Variants in PTPRD observed in about 807,000 individuals in gnomAD.
PTPRD encodes receptor-type tyrosine-protein phosphatase delta.
In PTPRD, 34 loss-of-function variants were observed where a neutral mutation model predicts 214.5. The observed-to-expected ratio is 0.16, with a 90% CI of 0.12 to 0.21. PTPRD has a LOEUF of 0.21. PTPRD is among the 10% of genes least tolerant of loss of function. The probability of loss-of-function intolerance (pLI) is 1.00; values close to 1 mark genes in which losing one functional copy is unlikely to be tolerated. For missense variants in PTPRD, 2,545 were observed against 2,398.7 expected, an observed-to-expected ratio of 1.06 and a Z score of -1.27; for synonymous variants, 1,128 against 845.7, an observed-to-expected ratio of 1.33 and a Z score of -5.79.
chr9:10,554,225 T>C (rs973880037), intron 2 of PTPRD, among the ~76,000 whole-genome samples: 9 of 152,312 alleles, frequency 5.9e-5, no homozygotes, highest in South Asian at 4.1e-4. Context: ...CTCACTTAAA[T>C]TGGCTCTTTT....
At chr9:9,646,771 A>G (rs761294580) in intron 7 of PTPRD, among the ~76,000 whole-genome samples, 1 of 152,194 alleles carries the variant, frequency 6.6e-6, no homozygotes, top group Non-Finnish European at 1.5e-5. Context: ...CATATCTATA[A>G]TAAAGTTTAA....
chr9:9,175,764 C>T (rs935319413), intron 10 of PTPRD, among the ~76,000 whole-genome samples: 2 of 151,860 alleles, frequency 1.3e-5, no homozygotes, highest in African/African-American at 4.8e-5. Flanking sequence ...GGCCCAAGTA[C>T]CTCTCCCCAT....
chr9:9,731,217 T>G (rs2098185276), intron 7 of PTPRD, among the ~76,000 whole-genome samples: 2 of 152,196 alleles, frequency 1.3e-5, no homozygotes, highest in Admixed American at 6.5e-5. Context: ...CATAATTTAA[T>G]GGAGTATTTT....
intron 42 of PTPRD, among the ~76,000 whole-genome samples, chr9:8,339,628 C>A (rs369920499): frequency 6.6e-6 from 1 of 152,064 alleles, no homozygotes; most frequent in Non-Finnish European, 1.5e-5. Context: ...TTTTTGTTCT[C>A]TCCGGGGGCT....
At chr9:9,159,994 A>T (rs1184440781) in intron 10 of PTPRD, among the ~76,000 whole-genome samples, 1 of 152,218 alleles carries the variant, frequency 6.6e-6, no homozygotes, top group Non-Finnish European at 1.5e-5. Flanking sequence ...AAAACTGGTT[A>T]TCCACATGCA....
chr9:9,045,964 G>A (rs1569501118), intron 10 of PTPRD, among the ~76,000 whole-genome samples: 2 of 152,058 alleles, frequency 1.3e-5, no homozygotes, highest in Admixed American at 1.3e-4. Context: ...CAGCTGCCTC[G>A]GTTCTGCACA....
At chr9:8,917,069 T>G (rs2098791285) in intron 11 of PTPRD, among the ~76,000 whole-genome samples, 2 of 151,368 alleles carry the variant, frequency 1.3e-5, no homozygotes, top group Admixed American at 1.3e-4. Context: ...TTTTTTTTTT[T>G]TACAATCCCC....
chr9:9,209,366 G>C (rs924080648), intron 9 of PTPRD, among the ~76,000 whole-genome samples: 1 of 152,294 alleles, frequency 6.6e-6, no homozygotes, highest in South Asian at 2.1e-4. Flanking sequence ...GATCAGAAGA[G>C]GGAAATATCA....
chr9:9,418,558 C>G (rs1214745399), intron 8 of PTPRD, among the ~76,000 whole-genome samples: 1 of 151,960 alleles, frequency 6.6e-6, no homozygotes, highest in African/African-American at 2.4e-5. Context: ...CTAGCTATTT[C>G]GTATCTCAAT....
At chr9:8,776,854 AAAT>A (rs1031133902) in intron 11 of PTPRD, among the ~76,000 whole-genome samples, 81 of 147,802 alleles carry the variant, frequency 5.5e-4, no homozygotes, top group African/African-American at 1.8e-3. Context: ...TATAATATAA[AAAT>A]ATTATATAAT....
chr9:9,178,693 ATTG>A (rs929464631), intron 10 of PTPRD, among the ~76,000 whole-genome samples: 2 of 152,064 alleles, frequency 1.3e-5, no homozygotes, highest in African/African-American at 2.4e-5. Context: ...CATTTTACAT[ATTG>A]TTGTTTCTAC....
chr9:10,235,900 G>A (rs747779839), intron 3 of PTPRD, among the ~76,000 whole-genome samples: 2 of 151,854 alleles, frequency 1.3e-5, no homozygotes, highest in African/African-American at 2.4e-5. Context: ...CATAACCTTT[G>A]GGGTGTGAAT....
intron 5 of PTPRD, among the ~76,000 whole-genome samples, chr9:9,882,367 A>G (rs7856920): frequency 0.043 from 6,508 of 152,170 alleles, 249 homozygotes; most frequent in African/African-American, 0.1. Flanking sequence ...TTCATATACC[A>G]TTTATATTTG....
intron 14 of PTPRD, among the ~76,000 whole-genome samples, chr9:8,576,208 C>T (rs768838057): frequency 7.9e-5 from 12 of 152,116 alleles, no homozygotes; most frequent in Non-Finnish European, 1.6e-4. Context: ...AGAATACCTG[C>T]AGCAATTCTT....
intron 9 of PTPRD, among the ~76,000 whole-genome samples, chr9:9,248,324 C>A (rs1482232576): frequency 6.6e-6 from 1 of 152,010 alleles, no homozygotes; most frequent in African/African-American, 2.4e-5. Flanking sequence ...GAACTCCTGA[C>A]CTCAAGTGAT....
At chr9:8,539,431 C>T (rs34287535) in intron 14 of PTPRD, among the ~76,000 whole-genome samples, 20,422 of 151,566 alleles carry the variant, frequency 0.13, 1,494 homozygotes, top group Non-Finnish European at 0.17. Context: ...ATTCTAAGCA[C>T]GGTAGTAGTC....
intron 11 of PTPRD, among the ~76,000 whole-genome samples, chr9:8,977,772 G>A (rs988326989): frequency 6.6e-6 from 1 of 151,418 alleles, no homozygotes; most frequent in Non-Finnish European, 1.5e-5. Flanking sequence ...TATCTTGGAA[G>A]GAGACAGTAA....
At chr9:8,529,680 C>T (rs897107567) in intron 14 of PTPRD, among the ~76,000 whole-genome samples, 1 of 152,126 alleles carries the variant, frequency 6.6e-6, no homozygotes, top group East Asian at 1.9e-4. Context: ...CTGACATTGC[C>T]AGCTCTTCTA....
intron 12 of PTPRD, chr9:8,700,594 G>C (rs934804605): frequency 2.6e-5 from 4 of 152,122 alleles, no homozygotes; most frequent in African/African-American, 9.7e-5. Flanking sequence ...TCATTCATTT[G>C]TAAAAACAGG....
Sources: allele counts gnomAD v4.1 joint callset (sites outside exome capture counted in the v4.1 genomes callset), GRCh38; gene constraint gnomAD v4.1.1; transcripts MANE v1.5; gene names NCBI Gene and HGNC (gene_info 2026-07-23, HGNC 2026-07-21).